The following PRTFDC1 variants were observed in gnomAD, a reference collection of about 807,000 sequenced individuals.
The protein encoded by PRTFDC1 is phosphoribosyltransferase domain-containing protein 1.
Under a neutral mutation model 34.6 loss-of-function variants are expected in PRTFDC1, and 38 were observed. The ratio of observed to expected loss-of-function variants is 1.10; its 90% confidence interval spans 0.85 to 1.44. The LOEUF (loss-of-function observed/expected upper bound fraction) is 1.44, where lower values mean the gene tolerates loss of function less well. Among genes scored for constraint, PRTFDC1 ranks in the 40% most tolerant of loss-of-function variants. PRTFDC1 has a pLI of 0.00. For synonymous variants in PRTFDC1, 93 were observed against 98.1 expected (o/e 0.95, Z 0.31); for missense variants, 270 against 283.0 (o/e 0.95, Z 0.33).
At chr10:24,865,756 G>T (rs543159617) in intron 4 of PRTFDC1, among the ~76,000 whole-genome samples, 1 of 152,174 alleles carries the variant, frequency 6.6e-6, no homozygotes, top group Non-Finnish European at 1.5e-5. Context: ...ACACCACACC[G>T]TCTCATCTGC....
At chr10:24,851,204 C>T (rs1847480737) in intron 8 of PRTFDC1, among the ~76,000 whole-genome samples, 184 bp downstream of exon 8, 1 of 152,182 alleles carries the variant, frequency 6.6e-6, no homozygotes, top group Admixed American at 6.5e-5. Flanking sequence ...CTCTATCATC[C>T]TGATACCTAC....
chr10:24,943,695 G>A (rs1849207902), intron 1 of PRTFDC1, among the ~76,000 whole-genome samples: 1 of 152,022 alleles, frequency 6.6e-6, no homozygotes, highest in Admixed American at 6.6e-5. Flanking sequence ...GACCACAGGT[G>A]TGTGCCACCA....
chr10:24,862,590 G>C (rs961498479), intron 4 of PRTFDC1, among the ~76,000 whole-genome samples: 9 of 152,170 alleles, frequency 5.9e-5, no homozygotes, highest in African/African-American at 2.2e-4. Context: ...GGCCAGGCTG[G>C]TCTTGAATTT....
chr10:24,868,928 T>C (rs2132507748), intron 4 of PRTFDC1, among the ~76,000 whole-genome samples: 1 of 152,388 alleles, frequency 6.6e-6, no homozygotes, highest in Admixed American at 6.5e-5. Flanking sequence ...CAATGTTTTA[T>C]GTATTTACGG....
In PRTFDC1 at chr10:24,915,226, G is replaced by A. The variant is rs142639731; in HGVS notation, c.339+21958C>T. Among the ~76,000 whole-genome samples, 177 of 152,256 alleles carry A rather than the reference G, an allele frequency of 1.2e-3. 1 individual carries two copies. The East Asian group carries it at 0.012, about 10-fold the overall frequency. On this transcript the variant is annotated intron_variant, in intron 3 of 8. Transcript: ENST00000320152. The stretch of plus-strand genomic sequence containing the variant: ...TGATATTGGAATTTGCACCAGATGC[G>A]TCTTTATTCTAAAGTTTGTGTTTAT...
At chr10:24,943,001 A>T (rs902017651) in intron 1 of PRTFDC1, among the ~76,000 whole-genome samples, 1 of 151,424 alleles carries the variant, frequency 6.6e-6, no homozygotes, top group Non-Finnish European at 1.5e-5. Context: ...CGATAGCATT[A>T]TTTGTGAGGG....
At chr10:24,898,801 A>G (rs2132549862) in intron 3 of PRTFDC1, among the ~76,000 whole-genome samples, 1 of 152,320 alleles carries the variant, frequency 6.6e-6, no homozygotes, top group African/African-American at 2.4e-5. Flanking sequence ...GAAATTGCTA[A>G]GAACTGAATG....
intron 2 of PRTFDC1, among the ~76,000 whole-genome samples, chr10:24,940,485 A>G (rs1392232301): frequency 6.6e-6 from 1 of 152,242 alleles, no homozygotes; most frequent in Admixed American, 6.5e-5. Context: ...GGAAAATACA[A>G]ATTAAAACCA....
intron 1 of PRTFDC1, among the ~76,000 whole-genome samples, chr10:24,951,116 C>T (rs1849335394): frequency 6.6e-6 from 1 of 152,030 alleles, no homozygotes; most frequent in Non-Finnish European, 1.5e-5. Context: ...ATTTGGTATG[C>T]GGGTCTCTGC....
chr10:24,889,023 C>T (rs150638471), intron 3 of PRTFDC1, among the ~76,000 whole-genome samples: 3 of 152,112 alleles, frequency 2.0e-5, no homozygotes, highest in Non-Finnish European at 4.4e-5. Flanking sequence ...TTTGTTACCC[C>T]CCTCCCCGAC....
At chr10:24,874,762 TA>T (rs1175648496) in intron 3 of PRTFDC1, among the ~76,000 whole-genome samples, 3 of 152,212 alleles carry the variant, frequency 2.0e-5, no homozygotes, top group Non-Finnish European at 4.4e-5. Flanking sequence ...CAACAATTAC[TA>T]TATATATTTG....
intron 3 of PRTFDC1, among the ~76,000 whole-genome samples, chr10:24,916,332 C>G (rs761039116): frequency 3.9e-5 from 6 of 152,148 alleles, no homozygotes; most frequent in Non-Finnish European, 8.8e-5. Context: ...ATTCTCAGCA[C>G]CACACACAGA....
At chr10:24,874,923 C>A (rs1456382362) in intron 3 of PRTFDC1, among the ~76,000 whole-genome samples, 5 of 152,092 alleles carry the variant, frequency 3.3e-5, no homozygotes, top group African/African-American at 1.2e-4. Context: ...TGAGTTCTCA[C>A]GAAATATGAT....
At chr10:24,887,622 G>A (rs1285785613) in intron 3 of PRTFDC1, among the ~76,000 whole-genome samples, 5 of 152,148 alleles carry the variant, frequency 3.3e-5, no homozygotes, top group Non-Finnish European at 5.9e-5. Flanking sequence ...ACCCAGTCTC[G>A]GTGTGTCCTT....
chr10:24,876,710 A>C lies in PRTFDC1; in HGVS notation c.340-4647T>G, dbSNP rs1588585092. Among the ~76,000 whole-genome samples the C allele has an allele frequency of 2.6e-5, 4 of 151,964 alleles. No individual in the cohort carries two copies. In the South Asian group the frequency reaches 6.3e-4, roughly 24 times the overall value. ...CTCCATCTCAAAAAAAAAATTTATT[A>C]TTATTTATTTTACTTTTTTATAGAG... is the stretch of plus-strand genomic sequence containing the variant. On this transcript the variant is annotated intron_variant, in intron 3 of 8. Coordinates refer to ENST00000320152, the MANE Select transcript of PRTFDC1 (RefSeq NM_020200.7).
At chr10:24,908,763 C>G in intron 3 of PRTFDC1, 1 of 1,474,192 alleles carries the variant, frequency 6.8e-7, no homozygotes. Flanking sequence ...CTGATCAACC[C>G]TAGCGATCAA....
At chr10:24,884,530 C>G (rs1456386950) in intron 3 of PRTFDC1, among the ~76,000 whole-genome samples, 2 of 152,186 alleles carry the variant, frequency 1.3e-5, no homozygotes, top group African/African-American at 4.8e-5. Context: ...ACCCGCAGAG[C>G]CAGGCAAGAG....
At chr10:24,877,649 C>T (rs11014279) in intron 3 of PRTFDC1, among the ~76,000 whole-genome samples, 18,526 of 152,136 alleles carry the variant, frequency 0.12, 1,419 homozygotes, top group South Asian at 0.22. Flanking sequence ...GAGACAGAGT[C>T]TTGCTCTGTT....
At chr10:24,879,824 C>T (rs969354358) in intron 3 of PRTFDC1, among the ~76,000 whole-genome samples, 6 of 152,206 alleles carry the variant, frequency 3.9e-5, no homozygotes, top group Non-Finnish European at 7.3e-5. Context: ...GCTTTTATCC[C>T]TTGAAATCAA....
Sources: allele counts gnomAD v4.1 joint callset (sites outside exome capture counted in the v4.1 genomes callset), GRCh38; gene constraint gnomAD v4.1.1; transcripts MANE v1.5; gene names NCBI Gene and HGNC (gene_info 2026-07-23, HGNC 2026-07-21).